Variants in PCDHGA8 observed in about 807,000 individuals in gnomAD.
The protein encoded by PCDHGA8 is protocadherin gamma-A8.
A neutral mutation model predicts 59.2 loss-of-function variants in PCDHGA8; 45 were observed. That is an observed-to-expected ratio of 0.76 (90% CI 0.60 to 0.98). The LOEUF is 0.98. Among genes scored for constraint, PCDHGA8 ranks in the 50% least tolerant of loss-of-function variants. The pLI, the probability that PCDHGA8 is intolerant of heterozygous loss-of-function variation, is 0.00. For synonymous variants in PCDHGA8, 531 were observed against 519.0 expected (o/e 1.02, Z -0.32); for missense variants, 1,257 against 1,196.2 (o/e 1.05, Z -0.75).
At chr5:141,482,602 C>T (rs2099569087) in intron 1 of PCDHGA8, among the ~76,000 whole-genome samples, 1 of 142,506 alleles carries the variant, frequency 7.0e-6, no homozygotes, top group Non-Finnish European at 1.5e-5. Flanking sequence ...CGGGAAAAAA[C>T]ACCTAAATGA....
At chr5:141,478,832 G>A in intron 1 of PCDHGA8, 1 of 1,435,464 alleles carries the variant, frequency 7.0e-7, no homozygotes, top group South Asian at 1.5e-5. Context: ...TCTTGCTAAG[G>A]GATGGTTAAG....
At chr5:141,405,422 GTT>G in intron 1 of PCDHGA8, 2 of 1,509,830 alleles carry the variant, frequency 1.3e-6, no homozygotes, top group Non-Finnish European at 1.8e-6. Context: ...TTTGTTTTTT[GTT>G]TTGTTTTGTT....
intron 1 of PCDHGA8, chr5:141,398,849 T>G: frequency 6.2e-7 from 1 of 1,613,874 alleles, no homozygotes; most frequent in Admixed American, 1.7e-5. Flanking sequence ...AATCCCCCGG[T>G]ATTCAACCGA....
chr5:141,466,115 C>A (rs2099117208), intron 1 of PCDHGA8, among the ~76,000 whole-genome samples: 1 of 151,618 alleles, frequency 6.6e-6, no homozygotes, highest in African/African-American at 2.4e-5. Context: ...GAGTGAGACT[C>A]CAGCTCAAAA....
intron 1 of PCDHGA8, chr5:141,415,772 T>TA (rs763083459): frequency 1.1e-5 from 15 of 1,332,970 alleles, no homozygotes; most frequent in Non-Finnish European, 1.3e-5. Flanking sequence ...TTTTTTTTTT[T>TA]ACTTTCTGGT....
At chr5:141,395,547 TGTGTGTGTGTGTGTGTGTG>T (rs2093270842) in intron 1 of PCDHGA8, 3 of 174,256 alleles carry the variant, frequency 1.7e-5, no homozygotes, top group Non-Finnish European at 3.5e-5. Flanking sequence ...ATTGTTTGTG[TGTGTGTGTGTGTGTGTGTG>T]TGTGTGTGTG....
Position 141,392,879 on chromosome 5 carries a change from G to A in PCDHGA8, c.66G>A (p.Thr22=). ...ELILLCALLG[T]LWEIGRGQIR... Reference sequence around the variant, plus strand: ...TCCTGCTGTGCGCGCTGCTGGGAACGCTGTGGGAAATCGGGAGGGGACAGA... The same window carrying A: ...TCCTGCTGTGCGCGCTGCTGGGAACACTGTGGGAAATCGGGAGGGGACAGA... Residue 22 remains threonine (T), a synonymous_variant, in exon 1 of 4, where the codon ACG becomes ACA. Coordinates refer to ENST00000398604, the MANE Select transcript of PCDHGA8 (RefSeq NM_032088.2). 1.2e-6 allele frequency: 2 copies of A among 1,613,512 alleles called. No individual in the cohort carries two copies. Among genetic ancestry groups the A allele is most frequent in the South Asian group, 1.1e-5 (1 of 91,074 alleles).
intron 1 of PCDHGA8, chr5:141,409,483 G>C: frequency 6.2e-7 from 1 of 1,613,944 alleles, no homozygotes; most frequent in Non-Finnish European, 8.5e-7. Context: ...CCACTGACAG[G>C]GGCAAGCCGC....
At chr5:141,462,896 A>G (rs1280422442) in intron 1 of PCDHGA8, among the ~76,000 whole-genome samples, 1 of 152,142 alleles carries the variant, frequency 6.6e-6, no homozygotes, top group African/African-American at 2.4e-5. Context: ...TTGTTTTGGA[A>G]GGCTATTATG....
intron 1 of PCDHGA8, chr5:141,419,262 G>C: frequency 1.9e-6 from 3 of 1,614,014 alleles, no homozygotes; most frequent in Non-Finnish European, 2.5e-6. Context: ...AACCAGCCGG[G>C]TGCCTCCATA....
intron 1 of PCDHGA8, chr5:141,420,220 A>G (rs2096478738): frequency 6.2e-7 from 1 of 1,608,142 alleles, no homozygotes; most frequent in African/African-American, 1.3e-5. Flanking sequence ...ATAGCATGCT[A>G]CTGGCTAGCA....
intron 1 of PCDHGA8, chr5:141,415,696 G>A (rs867312295): frequency 2.9e-6 from 4 of 1,397,470 alleles, no homozygotes; most frequent in Non-Finnish European, 3.8e-6. Flanking sequence ...GGTGGAAAGT[G>A]TAAATGCTAA....
intron 2 of PCDHGA8, among the ~76,000 whole-genome samples, chr5:141,495,296 T>TCCTCCAGAG (rs998633800): frequency 1.3e-5 from 2 of 152,054 alleles, no homozygotes; most frequent in Non-Finnish European, 2.9e-5. Flanking sequence ...ACTCAGCGCC[T>TCCTCCAGAG]CCTCCAGAGC....
Position 141,398,413 on chromosome 5 carries a change from T to C in PCDHGA8, c.2424+3176T>C, listed in dbSNP as rs774602022. On this transcript the variant is annotated intron_variant, in intron 1 of 3. Transcript: ENST00000398604. ...CAGCAGGCTAGACAGGGAGGAGATA[T>C]GCGGGAAGAAGCCAGCTTGTGCTCT... 7.0e-5 allele frequency: 104 copies of C among 1,490,692 alleles called. 1 individual carries two copies. Among genetic ancestry groups the C allele is most frequent in the Middle Eastern group, 6.1e-4 (3 of 4,950 alleles). The allele number at this position is 1,490,692 out of a possible 1,614,324, so 92.3% of individuals were successfully genotyped here.
chr5:141,463,266 T>G (rs933899476), intron 1 of PCDHGA8, among the ~76,000 whole-genome samples: 16 of 151,982 alleles, frequency 1.1e-4, no homozygotes, highest in African/African-American at 3.6e-4. Context: ...CTCTATCCCA[T>G]AAATTCTGGC....
chr5:141,488,502 C>T (rs989368385), intron 1 of PCDHGA8, among the ~76,000 whole-genome samples: 2 of 152,146 alleles, frequency 1.3e-5, no homozygotes, highest in Non-Finnish European at 2.9e-5. Context: ...ACACTCATTC[C>T]ACATTTGGGG....
chr5:141,419,137 CA>C (rs1561778370), intron 1 of PCDHGA8: 1 of 1,613,892 alleles, frequency 6.2e-7, no homozygotes, highest in African/African-American at 1.3e-5. Flanking sequence ...CAGCCACAGA[CA>C]GGGGCAAGCC....
intron 1 of PCDHGA8, among the ~76,000 whole-genome samples, chr5:141,456,845 C>T (rs1308477735): frequency 6.6e-6 from 1 of 152,092 alleles, no homozygotes; most frequent in African/African-American, 2.4e-5. Context: ...CGCCTGTAAT[C>T]CCAGCTAATT....
rs376395066 is a variant in PCDHGA8 at position 141,490,681 on chromosome 5, C to G, written c.2425-4126C>G. On this transcript the variant is annotated intron_variant, in intron 1 of 3. Transcript: ENST00000398604. The surrounding 1 kb of genome is among the most constrained non-coding windows in gnomAD (Gnocchi z 5.4). ...TCTTTGCACTGTGGCTGCCTCAGATCCAGACACTGGGGATAATGCCCGCCT... is the reference window on the plus strand; with the variant it reads ...TCTTTGCACTGTGGCTGCCTCAGATGCAGACACTGGGGATAATGCCCGCCT... 2.5e-6 allele frequency: 4 copies of G among 1,613,998 alleles called. No homozygotes were observed. In the African/African-American group the frequency reaches 4.0e-5, roughly 16 times the overall value.
Sources: allele counts gnomAD v4.1 joint callset (sites outside exome capture counted in the v4.1 genomes callset), GRCh38; gene constraint gnomAD v4.1.1; non-coding constraint Gnocchi (gnomAD v3.1); transcripts MANE v1.5; gene names NCBI Gene and HGNC (gene_info 2026-07-23, HGNC 2026-07-21).